Variants in PLXNA2 observed in about 807,000 individuals in gnomAD.
PLXNA2 encodes plexin A2, also known as plexin-A2.
A neutral mutation model predicts 193.5 loss-of-function variants in PLXNA2; 91 were observed. The observed-to-expected ratio is 0.47, with a 90% CI of 0.40 to 0.56. PLXNA2 has a LOEUF of 0.56. PLXNA2 is among the 20% of genes least tolerant of loss of function. The pLI, the probability that PLXNA2 is intolerant of heterozygous loss-of-function variation, is 0.00. For missense variants in PLXNA2, 1,995 were observed against 2,503.2 expected, an observed-to-expected ratio of 0.80 and a Z score of 4.33; for synonymous variants, 997 against 1,027.3, an observed-to-expected ratio of 0.97 and a Z score of 0.56.
At chr1:208,063,614 G>A (rs1665686004) in intron 12 of PLXNA2, among the ~76,000 whole-genome samples, 2 of 152,170 alleles carry the variant, frequency 1.3e-5, no homozygotes, top group Non-Finnish European at 2.9e-5. Context: ...TGTCTGGGGA[G>A]TGTAGGGTCT....
At chr1:208,134,545 A>G (rs899117819) in intron 4 of PLXNA2, among the ~76,000 whole-genome samples, 5 of 152,176 alleles carry the variant, frequency 3.3e-5, no homozygotes, top group African/African-American at 1.2e-4. Context: ...TGCAGCAGCA[A>G]TTCGCTTATC....
At chr1:208,065,026 C>T (rs1408558201) in intron 12 of PLXNA2, among the ~76,000 whole-genome samples, 5 of 152,130 alleles carry the variant, frequency 3.3e-5, no homozygotes, top group African/African-American at 1.2e-4. Context: ...TATAGAGGGG[C>T]AATTTGGCTG....
At position 208,218,015 on chromosome 1, in the gene PLXNA2, A is replaced by C; in HGVS notation, c.-80-13T>G. The C allele has an allele frequency of 1.3e-6, 2 of 1,546,678 alleles. No homozygotes were observed. Among genetic ancestry groups the C allele is most frequent in the Non-Finnish European group, 1.7e-6 (2 of 1,152,472 alleles). On this transcript the variant is annotated splice_polypyrimidine_tract_variant and intron_variant, in intron 1 of 31. Transcript: ENST00000367033. ...CCCTCACATGATTCTGCAAAACACAAGGCAGAGTGGTCAGACCAAAAATAA... is the reference window on the plus strand; with the variant it reads ...CCCTCACATGATTCTGCAAAACACACGGCAGAGTGGTCAGACCAAAAATAA...
chr1:208,068,558 T>G (rs2102362853), intron 12 of PLXNA2, among the ~76,000 whole-genome samples: 1 of 152,352 alleles, frequency 6.6e-6, no homozygotes, highest in South Asian at 2.1e-4. Context: ...GATGCTTTTC[T>G]GTGGACTCTC....
intron 9 of PLXNA2, among the ~76,000 whole-genome samples, chr1:208,087,015 GAC>G (rs747111378): frequency 1.0e-3 from 133 of 132,104 alleles, no homozygotes; most frequent in Middle Eastern, 3.9e-3. Context: ...GAGAGAGAGA[GAC>G]AGACAGACAG....
intron 4 of PLXNA2, among the ~76,000 whole-genome samples, chr1:208,107,260 C>G (rs778091893): frequency 1.3e-5 from 2 of 152,178 alleles, no homozygotes; most frequent in Non-Finnish European, 2.9e-5. Flanking sequence ...ACTCTCCAAC[C>G]GATTCTTACG....
At position 208,082,553 on chromosome 1, in the gene PLXNA2, T is replaced by C; in HGVS notation, c.2299-45A>G. ...GGCATGGGGCTCATGTGGCTCTCTATCACAGGGGTCAGGGATGCAGACAAA... is the reference window on the plus strand; with the variant it reads ...GGCATGGGGCTCATGTGGCTCTCTACCACAGGGGTCAGGGATGCAGACAAA... On this transcript the variant is annotated intron_variant, in intron 10 of 31. Transcript: ENST00000367033. This position sits in a 1 kb window ranked among gnomAD's most constrained non-coding sequence, Gnocchi z 4.2. The C allele has an allele frequency of 2.9e-6, 4 of 1,392,512 alleles. No homozygotes were observed. Among genetic ancestry groups the C allele is most frequent in the Non-Finnish European group, 4.1e-6 (4 of 982,382 alleles). The allele number at this position is 1,392,512 out of a possible 1,614,324, so 86.3% of individuals were successfully genotyped here. A position where few individuals can be genotyped will look rare whatever the true frequency, so the allele number is the denominator to read the frequency against.
intron 3 of PLXNA2, among the ~76,000 whole-genome samples, chr1:208,144,401 A>G (rs1306296812): frequency 6.6e-6 from 1 of 152,176 alleles, no homozygotes; most frequent in East Asian, 1.9e-4. Flanking sequence ...AGCTTGAACC[A>G]GGGCTTGGTC....
At chr1:208,055,017 A>G (rs1256862945) in intron 13 of PLXNA2, among the ~76,000 whole-genome samples, 1 of 152,136 alleles carries the variant, frequency 6.6e-6, no homozygotes, top group Non-Finnish European at 1.5e-5. Context: ...TGCTTCCTGT[A>G]GTGAGTTTTA....
At chr1:208,109,394 A>G (rs2102428629) in intron 4 of PLXNA2, among the ~76,000 whole-genome samples, 1 of 152,248 alleles carries the variant, frequency 6.6e-6, no homozygotes, top group African/African-American at 2.4e-5. Flanking sequence ...GTTTTCAAGA[A>G]AAGATCTGAC....
intron 4 of PLXNA2, among the ~76,000 whole-genome samples, chr1:208,133,672 T>C (rs1668224647): frequency 1.3e-5 from 2 of 152,222 alleles, no homozygotes; most frequent in Admixed American, 1.3e-4. Flanking sequence ...AGGAACTCTC[T>C]TGGGCCTAGG....
At chr1:208,142,537 G>A (rs1230571200) in intron 3 of PLXNA2, 74 bp from the exon 4 acceptor site, 3 of 1,425,720 alleles carry the variant, frequency 2.1e-6, no homozygotes, top group Non-Finnish European at 2.8e-6. Flanking sequence ...TCTGCCCAGA[G>A]CAGGTAGCTT....
chr1:208,187,344 C>A (rs2102558103), intron 3 of PLXNA2, among the ~76,000 whole-genome samples: 1 of 152,138 alleles, frequency 6.6e-6, no homozygotes, highest in Non-Finnish European at 1.5e-5. Flanking sequence ...CATGGACCAG[C>A]AAGAGAAAGA....
At chr1:208,058,320 G>A (rs1336649404) in intron 13 of PLXNA2, among the ~76,000 whole-genome samples, 1 of 152,206 alleles carries the variant, frequency 6.6e-6, no homozygotes, top group African/African-American at 2.4e-5. Flanking sequence ...ACAGACCTGT[G>A]GGGTGCTGAT....
Position 208,028,433 on chromosome 1 carries a change from T to C in PLXNA2, c.5439-274A>G, listed in dbSNP as rs1211172865. Among the ~76,000 whole-genome samples, 3 of 152,172 alleles carry C rather than the reference T, an allele frequency of 2.0e-5. No homozygotes were observed. Among genetic ancestry groups the C allele is most frequent in the Admixed American group, 2.0e-4 (3 of 15,276 alleles). On this transcript the variant is annotated intron_variant, in intron 30 of 31. Transcript: ENST00000367033. The surrounding 1 kb of genome is among the most constrained non-coding windows in gnomAD (Gnocchi z 4.2). The stretch of plus-strand genomic sequence containing the variant: ...CAGACTCTCACCAGGCTCTTTGTGT[T>C]CAAATCCCAGCTCTGCTACCTGCTA...
chr1:208,031,064 C>A, intron 29 of PLXNA2: 2 of 990,312 alleles, frequency 2.0e-6, no homozygotes, highest in Non-Finnish European at 2.4e-6. Context: ...GCAATGAAAT[C>A]CTCCCTGTCA....
intron 4 of PLXNA2, among the ~76,000 whole-genome samples, chr1:208,132,433 C>G (rs1460817776): frequency 6.6e-6 from 1 of 152,140 alleles, no homozygotes; most frequent in Non-Finnish European, 1.5e-5. Context: ...GGAGTCCCAG[C>G]CCTGCTGTTG....
intron 1 of PLXNA2, among the ~76,000 whole-genome samples, chr1:208,239,845 G>A (rs11119020): frequency 0.021 from 3,226 of 152,298 alleles, 108 homozygotes; most frequent in African/African-American, 0.07. Flanking sequence ...AGAGTATGCT[G>A]GGGTAGGGGA....
intron 1 of PLXNA2, among the ~76,000 whole-genome samples, chr1:208,223,247 A>G (rs866094822): frequency 7.2e-6 from 1 of 138,416 alleles, no homozygotes; most frequent in Non-Finnish European, 1.6e-5. Context: ...TTTTTTTTTT[A>G]ATATGAAAGA....
Sources: gnomAD v4.1 joint callset for allele counts (sites outside exome capture counted in the v4.1 genomes callset) on GRCh38, gnomAD v4.1.1 for gene constraint, Gnocchi (gnomAD v3.1) non-coding constraint, MANE v1.5 for transcripts, NCBI Gene and HGNC (gene_info 2026-07-23, HGNC 2026-07-21) for gene names.